The following ARHGAP28 variants were observed in gnomAD, a reference collection of about 807,000 sequenced individuals.
The protein encoded by ARHGAP28 is Rho GTPase activating protein 28.
ARHGAP28 carries 56 observed loss-of-function variants against 90.7 expected under a neutral mutation model. The ratio of observed to expected loss-of-function variants is 0.62; its 90% CI spans 0.50 to 0.77. ARHGAP28 has a LOEUF of 0.77. ARHGAP28 is among the 30% of genes least tolerant of loss of function. The pLI, the probability that ARHGAP28 is intolerant of heterozygous loss-of-function variation, is 0.00. For synonymous variants in ARHGAP28, 308 were observed against 323.3 expected (o/e 0.95, Z 0.51); for missense variants, 869 against 900.9 (o/e 0.96, Z 0.45).
intron 7 of ARHGAP28, among the ~76,000 whole-genome samples, chr18:6,870,968 T>G (rs2143522372): frequency 6.6e-6 from 1 of 152,242 alleles, no homozygotes. Context: ...GCCCGGCTAA[T>G]TTTTTGTATT....
At chr18:6,779,048 T>C (rs1309732873) in intron 1 of ARHGAP28, 1 of 152,262 alleles carries the variant, frequency 6.6e-6, no homozygotes, top group Non-Finnish European at 1.5e-5. Context: ...TATGTTCATT[T>C]TCTTTGTTCT....
intron 4 of ARHGAP28, 110 bp downstream of exon 4, chr18:6,851,236 C>T: frequency 2.1e-6 from 2 of 941,356 alleles, no homozygotes; most frequent in Non-Finnish European, 3.3e-6. Context: ...GCTGGACAAC[C>T]ACAGATTTCA....
intron 1 of ARHGAP28, chr18:6,790,714 T>G (rs2056400145): frequency 6.6e-6 from 1 of 152,050 alleles, no homozygotes; most frequent in Non-Finnish European, 1.5e-5. Context: ...AGAGAGAAGT[T>G]GATAAGAACA....
chr18:6,826,925 A>G (rs1366747858), intron 2 of ARHGAP28, among the ~76,000 whole-genome samples: 1 of 152,074 alleles, frequency 6.6e-6, no homozygotes, highest in Non-Finnish European at 1.5e-5. Context: ...TCTGTTTAAC[A>G]AAGCACATCT....
At chr18:6,801,790 A>G (rs1433794324) in intron 1 of ARHGAP28, among the ~76,000 whole-genome samples, 1 of 152,116 alleles carries the variant, frequency 6.6e-6, no homozygotes, top group Non-Finnish European at 1.5e-5. Flanking sequence ...CTTCTTAGCT[A>G]TATTGAGATG....
chr18:6,729,755 G>C lies in ARHGAP28; in HGVS notation c.-67G>C. 7.7e-7 allele frequency: 1 copy of C among 1,290,934 alleles called. No homozygotes were observed. Among genetic ancestry groups the C allele is most frequent in the Non-Finnish European group, 9.8e-7 (1 of 1,019,560 alleles). 80.0% of individuals were successfully genotyped at this position (1,290,934 alleles called of 1,614,324 possible). A position where few individuals can be genotyped will look rare whatever the true frequency, so the allele number is the denominator to read the frequency against. On this transcript the variant is annotated 5_prime_UTR_variant, in exon 1 of 18. Transcript: ENST00000383472. ...GCCGCCCAGCTGCTGACAGCCTCCC[G>C]GCGCGCCGGTCCATGCTGGTCCCGG...
chr18:6,841,152 C>CTCTCTCTCCTCTCTCTCTCTCT (rs1369547091), intron 3 of ARHGAP28, among the ~76,000 whole-genome samples: 40 of 112,324 alleles, frequency 3.6e-4, no homozygotes, highest in African/African-American at 1.2e-3. Flanking sequence ...CTGTCTCTCT[C>CTCTCTCTCCTCTCTCTCTCTCT]CTCTTTCTCT....
At chr18:6,838,840 G>A (rs938157864) in intron 3 of ARHGAP28, among the ~76,000 whole-genome samples, 6 of 152,168 alleles carry the variant, frequency 3.9e-5, no homozygotes, top group Admixed American at 3.9e-4. Context: ...CTGTAACTGA[G>A]TAAAGGTGAC....
intron 5 of ARHGAP28, among the ~76,000 whole-genome samples, chr18:6,865,811 A>G (rs2057034039): frequency 6.6e-6 from 1 of 152,176 alleles, no homozygotes; most frequent in South Asian, 2.1e-4. Flanking sequence ...TGGTGTAACT[A>G]GGGCAGCAGA....
intron 10 of ARHGAP28, among the ~76,000 whole-genome samples, chr18:6,876,671 C>T (rs764623291): frequency 1.3e-5 from 2 of 152,176 alleles, no homozygotes; most frequent in Non-Finnish European, 2.9e-5. Context: ...TTTAAACATT[C>T]TTTGGCTCTC....
At chr18:6,737,058 A>G (rs879646147) in intron 1 of ARHGAP28, among the ~76,000 whole-genome samples, 8 of 152,184 alleles carry the variant, frequency 5.3e-5, no homozygotes, top group Non-Finnish European at 1.2e-4. Flanking sequence ...TTTCTCAACC[A>G]TATGGTCTCT....
rs552308469 is a variant in ARHGAP28, at chr18:6,769,948, A to G, written c.122+40005A>G. Among the ~76,000 whole-genome samples the G allele has an allele frequency of 6.6e-5, 10 of 152,358 alleles. No homozygotes were observed. The South Asian group carries it at 1.4e-3, about 22-fold the overall frequency. On this transcript the variant is annotated intron_variant, in intron 1 of 17. Transcript: ENST00000383472. Reference sequence around the variant, plus strand: ...AACTCTTAGAATTAACTTGCCATCAAAATATTTCCTTATCGAGAATATTTT... The same window carrying G: ...AACTCTTAGAATTAACTTGCCATCAGAATATTTCCTTATCGAGAATATTTT...
At chr18:6,796,324 A>G (rs987273095) in intron 1 of ARHGAP28, among the ~76,000 whole-genome samples, 1 of 152,050 alleles carries the variant, frequency 6.6e-6, no homozygotes. Flanking sequence ...GCTTCTCAAC[A>G]TGCATTTCTA....
intron 1 of ARHGAP28, among the ~76,000 whole-genome samples, chr18:6,817,878 A>G (rs1233218851): frequency 6.6e-6 from 1 of 152,194 alleles, no homozygotes; most frequent in Non-Finnish European, 1.5e-5. Context: ...GGGAGTTGGG[A>G]CAACAGGGTT....
At chr18:6,834,823 C>T (rs553449155) in intron 2 of ARHGAP28, among the ~76,000 whole-genome samples, 2 of 152,204 alleles carry the variant, frequency 1.3e-5, no homozygotes, top group African/African-American at 4.8e-5. Flanking sequence ...TCAAGAATGC[C>T]TCCTGGTTAT....
At chr18:6,766,216 T>C (rs1206290022) in intron 1 of ARHGAP28, among the ~76,000 whole-genome samples, 2 of 152,200 alleles carry the variant, frequency 1.3e-5, no homozygotes, top group African/African-American at 2.4e-5. Flanking sequence ...CCAACTATAA[T>C]TGTGCATGTG....
chr18:6,841,157 T>TTCTCTCTCTCTC (rs1315145364), intron 3 of ARHGAP28, among the ~76,000 whole-genome samples: 1 of 70,282 alleles, frequency 1.4e-5, no homozygotes, highest in African/African-American at 6.1e-5. Flanking sequence ...TCTCTCCTCT[T>TTCTCTCTCTCTC]TCTCTCTCTC....
rs1474600398 is a variant in ARHGAP28, at chr18:6,890,518, T to C, written c.1823T>C (p.Leu608Pro). The C allele has an allele frequency of 6.2e-7, 1 of 1,612,572 alleles. No homozygotes were observed. Among genetic ancestry groups the C allele is most frequent in the African/African-American group, 1.3e-5 (1 of 74,962 alleles). ...KKQLPSVRKLLRRKTLERETA... is the reference protein window; with the variant it reads ...KKQLPSVRKLPRRKTLERETA... Reference sequence around the variant, plus strand: ...CAGCTCCCAAGTGTCAGGAAGCTGCTCAGGAGGAAGACCCTCGAGCGGGAG... The same window carrying C: ...CAGCTCCCAAGTGTCAGGAAGCTGCCCAGGAGGAAGACCCTCGAGCGGGAG... Residue 608 changes from leucine to proline, a missense_variant, in exon 14 of 18, where the codon CTC becomes CCC. By Grantham distance (98) the Leu-to-Pro change is moderately conservative. Transcript: ENST00000383472.
At chr18:6,766,990 A>G (rs886789897) in intron 1 of ARHGAP28, among the ~76,000 whole-genome samples, 5 of 152,106 alleles carry the variant, frequency 3.3e-5, no homozygotes, top group East Asian at 3.9e-4. Context: ...TTGGTCTACT[A>G]TCTTGCTATA....
Sources: gnomAD v4.1 joint callset for allele counts (sites outside exome capture counted in the v4.1 genomes callset) on GRCh38, gnomAD v4.1.1 for gene constraint, MANE v1.5 for transcripts, NCBI Gene and HGNC (gene_info 2026-07-23, HGNC 2026-07-21) for gene names.